WT1: variants seen among roughly 807,000 people sequenced by gnomAD.
WT1 encodes Wilms tumor protein.
In WT1, 8 loss-of-function variants were observed where a neutral mutation model predicts 60.8. The ratio of observed to expected loss-of-function variants is 0.13; its 90% CI spans 0.08 to 0.24. The LOEUF is 0.24. WT1 is among the 10% of genes least tolerant of loss of function. WT1 has a pLI of 1.00. For missense variants in WT1, 568 were observed against 711.8 expected (o/e 0.80, Z 2.30); for synonymous variants, 312 against 297.1 (o/e 1.05, Z -0.52).
At chr11:32,408,554 AAAAAG>A (rs1387227673) in intron 5 of WT1, among the ~76,000 whole-genome samples, 22 of 150,852 alleles carry the variant, frequency 1.5e-4, no homozygotes, top group Non-Finnish European at 2.7e-4. Flanking sequence ...GAAAGAAAGA[AAAAAG>A]AAAAGAAGGA....
At chr11:32,411,911 T>A (rs1852511199) in intron 5 of WT1, among the ~76,000 whole-genome samples, 1 of 152,156 alleles carries the variant, frequency 6.6e-6, no homozygotes, top group African/African-American at 2.4e-5. Flanking sequence ...TGGCATTAAA[T>A]GAAACTTTAA....
At chr11:32,427,549 G>T (rs1243911968) in intron 3 of WT1, among the ~76,000 whole-genome samples, 2 of 152,236 alleles carry the variant, frequency 1.3e-5, no homozygotes, top group Non-Finnish European at 2.9e-5. Flanking sequence ...CAAGGCTGTG[G>T]CCGAAGGTAC....
At chr11:32,392,819 C>A (rs1851856412) in intron 7 of WT1, 64 bp from the exon 8 acceptor site, 1 of 1,466,466 alleles carries the variant, frequency 6.8e-7, no homozygotes, top group Non-Finnish European at 9.5e-7. Flanking sequence ...TTAAAGGCAA[C>A]CTCTCCTACT....
intron 1 of WT1, chr11:32,430,410 G>A: frequency 7.4e-7 from 1 of 1,350,110 alleles, no homozygotes; most frequent in Non-Finnish European, 1.0e-6. Context: ...TAAAAAGAGA[G>A]AGAGAGAAAG....
intron 6 of WT1, 102 bp downstream of exon 6, chr11:32,399,846 G>T: frequency 7.8e-7 from 1 of 1,277,010 alleles, no homozygotes; most frequent in Non-Finnish European, 1.1e-6. Context: ...GTGAAGAAGA[G>T]GCTGCCAGGG....
At position 32,435,054 on chromosome 11, in the gene WT1, C is replaced by A. The variant is rs1348287926; in HGVS notation, c.307G>T (p.Gly103Cys). 3 of 1,466,444 alleles carry A rather than the reference C, an allele frequency of 2.0e-6. No individual in the cohort carries two copies. The highest frequency in any genetic ancestry group is 5.2e-5 in the Admixed American group (2 of 38,674). 90.8% of individuals were successfully genotyped at this position (1,466,444 alleles called of 1,614,324 possible). The stretch of plus-strand genomic sequence containing the variant: ...AGCACCGGCGCCCACTGCGCCGCGC[C>A]GCTCACAGGCAGGGCACAGCCGCCG... Residue 103 changes from glycine (G) to cysteine (C), a missense_variant, in exon 1 of 10, where the codon GGC (glycine) becomes TGC (cysteine). Gly to Cys is a radical substitution (Grantham distance 159, BLOSUM62 -3). Around this residue, in one of 3 missense-constraint regions of WT1, gnomAD observed 523 missense variants for 565.1 expected, o/e 0.93. Transcript: ENST00000452863.
intron 5 of WT1, among the ~76,000 whole-genome samples, chr11:32,402,586 C>T (rs1301866153): frequency 6.6e-6 from 1 of 152,206 alleles, no homozygotes; most frequent in Non-Finnish European, 1.5e-5. Flanking sequence ...TGCTCTATTG[C>T]CCAGGCTGGA....
chr11:32,388,868 G>T lies in WT1; in HGVS notation c.*190C>A. ...AGGGCCTGTGAGTCAACTAAAAGTA[G>T]GCAGGGCAGAGACCAACTCTTCCAG... On this transcript the variant is annotated 3_prime_UTR_variant, in exon 10 of 10. Transcript: ENST00000452863. The T allele has an allele frequency of 1.0e-6, 1 of 989,116 alleles. No homozygotes were observed. Among genetic ancestry groups the T allele is most frequent in the Non-Finnish European group, 1.5e-6 (1 of 683,740 alleles). 61.3% of individuals were successfully genotyped at this position (989,116 alleles called of 1,614,324 possible). A position where few individuals can be genotyped will look rare whatever the true frequency, so the allele number is the denominator to read the frequency against.
At chr11:32,424,876 A>G (rs1852974726) in intron 3 of WT1, among the ~76,000 whole-genome samples, 1 of 152,158 alleles carries the variant, frequency 6.6e-6, no homozygotes, top group Non-Finnish European at 1.5e-5. Flanking sequence ...AAGGGAAAGT[A>G]TATCCAAAGA....
At chr11:32,390,588 G>A (rs1326907192) in intron 9 of WT1, among the ~76,000 whole-genome samples, 2 of 152,154 alleles carry the variant, frequency 1.3e-5, no homozygotes, top group East Asian at 1.9e-4. Context: ...GTGATGTCAT[G>A]TTTTCCTTCA....
At chr11:32,434,192 A>G (rs1853405698) in intron 1 of WT1, among the ~76,000 whole-genome samples, 1 of 152,218 alleles carries the variant, frequency 6.6e-6, no homozygotes, top group South Asian at 2.1e-4. Flanking sequence ...CCAACACCGT[A>G]TTATAAGGGC....
At chr11:32,415,001 T>C (rs1254440721) in intron 5 of WT1, among the ~76,000 whole-genome samples, 2 of 152,238 alleles carry the variant, frequency 1.3e-5, no homozygotes, top group East Asian at 3.8e-4. Context: ...GTTCACACTT[T>C]GTGCTTCATC....
At chr11:32,433,348 G>A (rs1853372282) in intron 1 of WT1, among the ~76,000 whole-genome samples, 1 of 152,234 alleles carries the variant, frequency 6.6e-6, no homozygotes, top group African/African-American at 2.4e-5. Context: ...GGGCGGTTTC[G>A]ATTTCTCCAA....
At chr11:32,404,012 G>A (rs1294462152) in intron 5 of WT1, among the ~76,000 whole-genome samples, 5 of 152,104 alleles carry the variant, frequency 3.3e-5, no homozygotes, top group Non-Finnish European at 7.4e-5. Flanking sequence ...GGTGGCTCAC[G>A]CCTGTAATCC....
chr11:32,391,107 C>T (rs750133743), intron 9 of WT1, among the ~76,000 whole-genome samples: 1 of 152,020 alleles, frequency 6.6e-6, no homozygotes, highest in Non-Finnish European at 1.5e-5. Context: ...CTCAGCCTCC[C>T]CCAAATAGCT....
chr11:32,390,950 A>C (rs1210215455), intron 9 of WT1, among the ~76,000 whole-genome samples: 1 of 149,568 alleles, frequency 6.7e-6, no homozygotes, highest in Non-Finnish European at 1.5e-5. Flanking sequence ...TGGGAATAAA[A>C]CATGCCTACC....
chr11:32,409,853 C>G (rs1470244368), intron 5 of WT1, among the ~76,000 whole-genome samples: 1 of 152,168 alleles, frequency 6.6e-6, no homozygotes, highest in Non-Finnish European at 1.5e-5. Flanking sequence ...CCACCTCCTT[C>G]AAGGACACTG....
rs963420586 is a variant in WT1 at position 32,427,804 on chromosome 11, A to G, written c.887+152T>C. 1.7e-5 allele frequency: 10 copies of G among 571,520 alleles called. No individual in the cohort carries two copies. The African/African-American group carries it at 1.9e-4, about 11-fold the overall frequency. 35.4% of individuals were successfully genotyped at this position (571,520 alleles called of 1,614,324 possible). A position where few individuals can be genotyped will look rare whatever the true frequency, so the allele number is the denominator to read the frequency against. ...AGGGAGATCAGCTTTAATTTCCTCT[A>G]AGTAGTAGAGTGGAGTCGAGGCGTC... On this transcript the variant is annotated intron_variant, in intron 3 of 9. Coordinates refer to ENST00000452863, the MANE Select transcript of WT1 (RefSeq NM_024426.6).
chr11:32,395,371 A>C (rs1851934977), intron 7 of WT1, among the ~76,000 whole-genome samples: 1 of 152,222 alleles, frequency 6.6e-6, no homozygotes, highest in South Asian at 2.1e-4. Flanking sequence ...GCCAACACCA[A>C]ACAATGCCAG....
Sources: allele counts gnomAD v4.1 joint callset (sites outside exome capture counted in the v4.1 genomes callset), GRCh38; gene constraint gnomAD v4.1.1; regional missense constraint gnomAD v4.1.1; transcripts MANE v1.5; gene names NCBI Gene and HGNC (gene_info 2026-07-23, HGNC 2026-07-21).